RNF150: variants seen among roughly 807,000 people sequenced by gnomAD.
RNF150 encodes ring finger protein 150.
RNF150 carries 24 observed loss-of-function variants against 39.3 expected under a neutral mutation model. That is an observed-to-expected ratio of 0.61 (90% CI 0.44 to 0.86). RNF150 has a LOEUF of 0.86. RNF150 is among the 40% of genes least tolerant of loss of function. The probability of loss-of-function intolerance (pLI) is 0.00; values close to 1 mark genes in which losing one functional copy is unlikely to be tolerated. For synonymous variants in RNF150, 255 were observed against 227.3 expected, an observed-to-expected ratio of 1.12 and a Z score of -1.10; for missense variants, 502 against 587.8, an observed-to-expected ratio of 0.85 and a Z score of 1.51.
intron 1 of RNF150, among the ~76,000 whole-genome samples, chr4:141,120,328 C>G (rs1400393691): frequency 6.6e-6 from 1 of 152,096 alleles, no homozygotes; most frequent in African/African-American, 2.4e-5. Context: ...GAAACGGTGA[C>G]TGATGATGGG....
Position 140,994,772 on chromosome 4 carries a change from G to A in RNF150, c.485-26899C>T, listed in dbSNP as rs183632712. On this transcript the variant is annotated intron_variant, in intron 1 of 6. Transcript: ENST00000515673. Reference sequence around the variant, plus strand: ...AAGCATTTTCCACCCAAGTTGCTACGCCTCTGGTGTTCCCTGGACCATCTG... The same window carrying A: ...AAGCATTTTCCACCCAAGTTGCTACACCTCTGGTGTTCCCTGGACCATCTG... Among the ~76,000 whole-genome samples, 472 of 152,254 alleles carry A rather than the reference G, an allele frequency of 3.1e-3. 4 individuals are homozygous for A. The highest frequency in any genetic ancestry group is 2.8e-3 in the Non-Finnish European group (191 of 68,020).
intron 5 of RNF150, among the ~76,000 whole-genome samples, chr4:140,913,011 C>A (rs527514225): frequency 1.4e-4 from 21 of 150,762 alleles, no homozygotes; most frequent in Non-Finnish European, 2.7e-4. Context: ...TGGTGGCTCA[C>A]GCCTGTAATC....
At chr4:141,018,283 G>A (rs1419468589) in intron 1 of RNF150, among the ~76,000 whole-genome samples, 1 of 152,050 alleles carries the variant, frequency 6.6e-6, no homozygotes, top group Non-Finnish European at 1.5e-5. Flanking sequence ...AAGACTTCTT[G>A]TTCTTTGCAT....
chr4:141,178,342 A>C (rs1332561359), intron 1 of RNF150, among the ~76,000 whole-genome samples: 1 of 152,202 alleles, frequency 6.6e-6, no homozygotes, highest in East Asian at 1.9e-4. Flanking sequence ...CAATGCTGGC[A>C]TAATGGAGTC....
chr4:140,997,304 T>G (rs936823100), intron 1 of RNF150, among the ~76,000 whole-genome samples: 2 of 152,206 alleles, frequency 1.3e-5, no homozygotes, highest in Non-Finnish European at 2.9e-5. Flanking sequence ...TCAAATATTT[T>G]ACAGATTTTA....
chr4:141,053,992 TA>T (rs553674250), intron 1 of RNF150, among the ~76,000 whole-genome samples: 1 of 152,126 alleles, frequency 6.6e-6, no homozygotes, highest in African/African-American at 2.4e-5. Flanking sequence ...ATATTTGCTG[TA>T]AAAAAATCAC....
intron 1 of RNF150, among the ~76,000 whole-genome samples, chr4:141,048,862 G>A (rs1462475820): frequency 6.6e-6 from 1 of 152,180 alleles, no homozygotes; most frequent in East Asian, 1.9e-4. Context: ...CTTTGTGGAA[G>A]CTACTTAGGT....
At chr4:140,987,217 A>G (rs1734044720) in intron 1 of RNF150, among the ~76,000 whole-genome samples, 1 of 152,138 alleles carries the variant, frequency 6.6e-6, no homozygotes, top group Non-Finnish European at 1.5e-5. Context: ...ATTCAATACT[A>G]TTCCTATCAA....
intron 1 of RNF150, among the ~76,000 whole-genome samples, chr4:141,044,576 TGGC>T: frequency 1.3e-5 from 2 of 152,126 alleles, no homozygotes; most frequent in Admixed American, 1.3e-4. Context: ...AAAAAGAAAA[TGGC>T]AGGAAAAAAC....
At chr4:141,199,532 C>T (rs941979154) in intron 1 of RNF150, among the ~76,000 whole-genome samples, 23 of 152,180 alleles carry the variant, frequency 1.5e-4, no homozygotes, top group Non-Finnish European at 2.9e-4. Context: ...AAACACGCTA[C>T]TGGTACACTC....
At chr4:140,912,847 C>T (rs1195497634) in intron 5 of RNF150, among the ~76,000 whole-genome samples, 1 of 151,598 alleles carries the variant, frequency 6.6e-6, no homozygotes, top group African/African-American at 2.4e-5. Context: ...TACTCATTGA[C>T]ATTGGACACG....
intron 6 of RNF150, among the ~76,000 whole-genome samples, chr4:140,878,437 T>C (rs1729252309): frequency 6.6e-6 from 1 of 152,294 alleles, no homozygotes; most frequent in East Asian, 1.9e-4. Flanking sequence ...CCTCCCAAAG[T>C]GCTGGGATTA....
chr4:141,131,600 T>C (rs1005542326), intron 1 of RNF150, among the ~76,000 whole-genome samples: 1 of 152,260 alleles, frequency 6.6e-6, no homozygotes, highest in African/African-American at 2.4e-5. Context: ...CTCTCTAGTC[T>C]GAAATCCCTT....
intron 1 of RNF150, among the ~76,000 whole-genome samples, chr4:141,044,193 G>T (rs1736475139): frequency 6.6e-6 from 1 of 152,162 alleles, no homozygotes; most frequent in African/African-American, 2.4e-5. Context: ...GGGAAGGCAT[G>T]CACATACACA....
At position 140,862,021 on chromosome 4, in the gene RNF150, A is replaced by AG. The variant is rs1728511357; in HGVS notation, c.*6239dup. The AG allele has an allele frequency of 6.6e-6, 1 of 152,204 alleles. No individual in the cohort carries two copies. Among genetic ancestry groups the AG allele is most frequent in the East Asian group, 1.9e-4 (1 of 5,196 alleles). The allele number at this position is 152,204 out of a possible 1,614,324, so 9.4% of individuals were successfully genotyped here. A position where few individuals can be genotyped will look rare whatever the true frequency, so the allele number is the denominator to read the frequency against. On this transcript the variant is annotated 3_prime_UTR_variant, in exon 7 of 7. Transcript: ENST00000515673. Reference sequence around the variant, plus strand: ...GAGAACATTGGGAGAAAATTCAACTAGTCAATGGAAGAAACATGTGTTCAT... The same window carrying AG: ...GAGAACATTGGGAGAAAATTCAACTAGGTCAATGGAAGAAACATGTGTTCAT...
rs1242002415 is a variant in RNF150 at position 140,880,660 on chromosome 4, TG to T, written c.1199-12282del. Among the ~76,000 whole-genome samples the T allele has an allele frequency of 3.3e-5, 5 of 151,984 alleles. No individual in the cohort carries two copies. In the East Asian group the frequency reaches 7.7e-4, roughly 23 times the overall value. On this transcript the variant is annotated intron_variant, in intron 6 of 6. Transcript: ENST00000515673. ...CTGGGTTTTTTTTTGTTTGTTTGTT[TG>T]TTTGTTTGTTTTAAACAAAAGGTCT...
At chr4:140,901,685 C>G (rs962993648) in intron 6 of RNF150, among the ~76,000 whole-genome samples, 2 of 152,126 alleles carry the variant, frequency 1.3e-5, no homozygotes, top group Non-Finnish European at 2.9e-5. Context: ...TCACACAGTC[C>G]AAGCCTTTGA....
intron 1 of RNF150, among the ~76,000 whole-genome samples, chr4:141,197,685 T>C (rs1728222425): frequency 6.6e-6 from 1 of 152,070 alleles, no homozygotes; most frequent in Admixed American, 6.5e-5. Context: ...GAGACCATCC[T>C]GGCTAACATG....
chr4:141,205,664 T>C (rs937725954), intron 1 of RNF150, among the ~76,000 whole-genome samples: 1 of 152,204 alleles, frequency 6.6e-6, no homozygotes, highest in African/African-American at 2.4e-5. Context: ...AATTTAAAGC[T>C]AAACCCATAT....
Sources: allele counts gnomAD v4.1 joint callset (sites outside exome capture counted in the v4.1 genomes callset), GRCh38; gene constraint gnomAD v4.1.1; transcripts MANE v1.5; gene names NCBI Gene and HGNC (gene_info 2026-07-23, HGNC 2026-07-21).